The following ADAMTS15 variants were observed in gnomAD, a reference collection of about 807,000 sequenced individuals.
ADAMTS15 encodes the protein ADAM metallopeptidase with thrombospondin type 1 motif 15.
A neutral mutation model predicts 79.1 loss-of-function variants in ADAMTS15; 35 were observed. The ratio of observed to expected loss-of-function variants is 0.44; its 90% CI spans 0.34 to 0.59. The LOEUF (loss-of-function observed/expected upper bound fraction) is 0.59. ADAMTS15 is among the 20% of genes least tolerant of loss of function. ADAMTS15 has a pLI of 0.02. For missense variants in ADAMTS15, 1,324 were observed against 1,318.7 expected (o/e 1.00, Z -0.06); for synonymous variants, 616 against 567.3 (o/e 1.09, Z -1.22).
Position 130,462,018 on chromosome 11 carries a change from G to A in ADAMTS15, c.1091-69G>A. 1 of 1,363,720 alleles carries A rather than the reference G, an allele frequency of 7.3e-7. No individual in the cohort carries two copies. The highest frequency in any genetic ancestry group is 2.3e-5 in the East Asian group (1 of 42,678). The allele number at this position is 1,363,720 out of a possible 1,614,324, so 84.5% of individuals were successfully genotyped here. A position where few individuals can be genotyped will look rare whatever the true frequency, so the allele number is the denominator to read the frequency against. ...CTGACATGGGCTTTCTAGTTCCCCTGCCCCATTCCTCCCTCCAACCCCCAT... is the reference window on the plus strand; with the variant it reads ...CTGACATGGGCTTTCTAGTTCCCCTACCCCATTCCTCCCTCCAACCCCCAT... On this transcript the variant is annotated intron_variant, in intron 2 of 7. Transcript: ENST00000299164. The surrounding 1 kb of genome is among the most constrained non-coding windows in gnomAD (Gnocchi z 4.3).
chr11:130,463,444 G>C (rs1938242206), intron 4 of ADAMTS15, among the ~76,000 whole-genome samples: 2 of 152,160 alleles, frequency 1.3e-5, no homozygotes, highest in Non-Finnish European at 2.9e-5. Context: ...TTCAGGTCTT[G>C]TTTTGGGGGT....
In ADAMTS15 at chr11:130,462,232, C is replaced by T. The variant is rs146867800; in HGVS notation, c.1236C>T (p.Thr412=). 32 of 1,613,848 alleles carry T rather than the reference C, an allele frequency of 2.0e-5. No individual in the cohort carries two copies. The highest frequency in any genetic ancestry group is 8.9e-5 in the East Asian group (4 of 44,890). Residue 412 remains threonine (T), a synonymous_variant, in exon 3 of 8, where the codon ACC becomes ACT. Transcript: ENST00000299164. The surrounding 1 kb of genome is among the most constrained non-coding windows in gnomAD (Gnocchi z 4.3). ...PWSACSAAII[T]DFLDSGHGDC... ...CAGCCTGCAGTGCTGCCATCATCACCGACTTCCTGGACAGCGGGCACGGTA... is the reference window on the plus strand; with the variant it reads ...CAGCCTGCAGTGCTGCCATCATCACTGACTTCCTGGACAGCGGGCACGGTA...
At chr11:130,452,302 A>T (rs1184846104) in intron 1 of ADAMTS15, among the ~76,000 whole-genome samples, 1 of 152,240 alleles carries the variant, frequency 6.6e-6, no homozygotes, top group African/African-American at 2.4e-5. Context: ...GAATAAGTTC[A>T]TGGAGAAAAG....
intron 4 of ADAMTS15, among the ~76,000 whole-genome samples, chr11:130,465,597 C>T (rs1274489544): frequency 1.3e-5 from 2 of 152,190 alleles, no homozygotes; most frequent in South Asian, 4.1e-4. Context: ...CTCTGCTGCC[C>T]ATTCCAAACA....
At chr11:130,454,406 A>G (rs1158350853) in intron 1 of ADAMTS15, among the ~76,000 whole-genome samples, 1 of 152,240 alleles carries the variant, frequency 6.6e-6, no homozygotes, top group Non-Finnish European at 1.5e-5. Context: ...CTAGAACCTA[A>G]TGTGAAACAG....
At chr11:130,461,740 C>T in intron 2 of ADAMTS15, 119 bp downstream of exon 2, 1 of 1,419,200 alleles carries the variant, frequency 7.0e-7, no homozygotes, top group Non-Finnish European at 9.5e-7. Context: ...TCTTAGGGCA[C>T]AGTGAGCCTT....
intron 5 of ADAMTS15, among the ~76,000 whole-genome samples, chr11:130,470,409 G>A (rs923899476): frequency 1.3e-5 from 2 of 151,104 alleles, no homozygotes; most frequent in African/African-American, 4.9e-5. Context: ...TACAGATGGG[G>A]TTTCACCATG....
rs770162987 is a variant in ADAMTS15, at chr11:130,471,228, C to T, written c.1923C>T (p.Cys641=). ...TGCAGGTGGTGGACGGCACGCTGTG[C>T]TCTCCTGACTCCACCTCCGTCTGTG... ...LAPKVVDGTL[C]SPDSTSVCVQ... The change falls in exon 7 of 8, where the codon TGC becomes TGT. Residue 641 remains cysteine (C), a synonymous_variant. Coordinates refer to ENST00000299164, the MANE Select transcript of ADAMTS15 (RefSeq NM_139055.4). 6.6e-5 allele frequency: 106 copies of T among 1,604,446 alleles called. No individual in the cohort carries two copies. Among genetic ancestry groups the T allele is most frequent in the Non-Finnish European group, 8.2e-5 (97 of 1,175,964 alleles).
chr11:130,472,703 C>CTCCTCG lies in ADAMTS15; in HGVS notation c.2079-338_2079-333dup, dbSNP rs1191917620. 3.3e-5 allele frequency among the ~76,000 whole-genome samples: 5 copies of CTCCTCG among 151,940 alleles called. No homozygotes were observed. Among genetic ancestry groups the CTCCTCG allele is most frequent in the African/African-American group, 1.2e-4 (5 of 41,318 alleles). On this transcript the variant is annotated intron_variant, in intron 7 of 7. Coordinates refer to ENST00000299164, the MANE Select transcript of ADAMTS15 (RefSeq NM_139055.4). The surrounding 1 kb of genome is among the most constrained non-coding windows in gnomAD (Gnocchi z 4.7). ...ACCCCTCCTCCTCCTCCTCCTCCTC[C>CTCCTCG]TCCTCGTCCTCATGGCAGATGTCTA...
chr11:130,469,368 A>G lies in ADAMTS15; in HGVS notation c.1649A>G (p.Asn550Ser). 1 of 1,362,766 alleles carries G rather than the reference A, an allele frequency of 7.3e-7. No individual in the cohort carries two copies. The highest frequency in any genetic ancestry group is 9.5e-7 in the Non-Finnish European group (1 of 1,049,076). The allele number at this position is 1,362,766 out of a possible 1,614,324, so 84.4% of individuals were successfully genotyped here. Residue 550 changes from asparagine (N) to serine (S), a missense_variant, in exon 5 of 8, where the codon AAC becomes AGC. Asn to Ser is a conservative substitution (Grantham distance 46, BLOSUM62 1). Coordinates refer to ENST00000299164, the MANE Select transcript of ADAMTS15 (RefSeq NM_139055.4). ...RRQCTNPTPA[N>S]GGKYCEGVRV... ...CAGTGCACCAACCCCACCCCTGCCA[A>G]CGGGGGCAAGTACTGCGAGGGAGTG... is the stretch of plus-strand genomic sequence containing the variant.
At chr11:130,461,642 C>T (rs1163384023) in intron 2 of ADAMTS15, 21 bp downstream of exon 2, 3 of 1,613,314 alleles carry the variant, frequency 1.9e-6, no homozygotes, top group Non-Finnish European at 2.5e-6. Context: ...ATAAGCTCCT[C>T]CTGGGGTCTT....
intron 4 of ADAMTS15, among the ~76,000 whole-genome samples, chr11:130,468,186 G>T (rs1352080744): frequency 6.6e-6 from 1 of 152,180 alleles, no homozygotes; most frequent in Non-Finnish European, 1.5e-5. Flanking sequence ...GAATTTTCGT[G>T]CCTGTTACGC....
chr11:130,470,401 C>T (rs979309794), intron 5 of ADAMTS15, among the ~76,000 whole-genome samples: 7 of 150,916 alleles, frequency 4.6e-5, no homozygotes, highest in Non-Finnish European at 1.0e-4. Flanking sequence ...GTTTTTAGTA[C>T]AGATGGGGTT....
chr11:130,468,359 G>A (rs561050158), intron 4 of ADAMTS15, among the ~76,000 whole-genome samples: 6 of 152,290 alleles, frequency 3.9e-5, no homozygotes, highest in South Asian at 2.1e-4. Context: ...GGCCAGGCGC[G>A]GTAGCTCACG....
intron 5 of ADAMTS15, among the ~76,000 whole-genome samples, chr11:130,470,200 ATATATATATG>A (rs1565397917): frequency 1.1e-4 from 6 of 56,520 alleles, no homozygotes; most frequent in Non-Finnish European, 2.2e-4. Context: ...ATATATATAT[ATATATATATG>A]TATATATATA....
In ADAMTS15 at chr11:130,448,841, C is replaced by A. The variant is rs1431524895; in HGVS notation, c.-133C>A. 1 of 652,182 alleles carries A rather than the reference C, an allele frequency of 1.5e-6. No individual in the cohort carries two copies. The highest frequency in any genetic ancestry group is 3.9e-5 in the Admixed American group (1 of 25,712). 40.4% of individuals were successfully genotyped at this position (652,182 alleles called of 1,614,324 possible). A position where few individuals can be genotyped will look rare whatever the true frequency, so the allele number is the denominator to read the frequency against. On this transcript the variant is annotated 5_prime_UTR_variant, in exon 1 of 8. Coordinates refer to ENST00000299164, the MANE Select transcript of ADAMTS15 (RefSeq NM_139055.4). ...TGGGAGGAGTCTCCCTCCCTTGGCT[C>A]TCCTTTCTGGGAACTGCCGGCTGTC... is the stretch of plus-strand genomic sequence containing the variant.
intron 5 of ADAMTS15, among the ~76,000 whole-genome samples, chr11:130,470,162 A>ATATATATACGTATATATG (rs1938406014): frequency 1.8e-5 from 1 of 56,602 alleles, no homozygotes; most frequent in Non-Finnish European, 3.3e-5. Flanking sequence ...GTGTATATAT[A>ATATATATACGTATATATG]TATATATATA....
rs1394461750 is a variant in ADAMTS15 at position 130,471,334 on chromosome 11, G to A, written c.2029G>A (p.Gly677Arg). ...KRFDKCGVCG[G>R]DNKSCKKVTG... The stretch of plus-strand genomic sequence containing the variant: ...ATTCGACAAGTGTGGGGTGTGTGGG[G>A]GAGACAATAAGAGCTGCAAGAAGGT... Residue 677 changes from glycine to arginine, a missense_variant, in exon 7 of 8, where the codon GGA (glycine) becomes AGA (arginine). Transcript: ENST00000299164. 1.2e-6 allele frequency: 2 copies of A among 1,611,982 alleles called. No homozygotes were observed. Among genetic ancestry groups the A allele is most frequent in the East Asian group, 2.2e-5 (1 of 44,848 alleles).
chr11:130,449,130 C>T lies in ADAMTS15; in HGVS notation c.157C>T (p.Leu53Phe), dbSNP rs753399893. The stretch of plus-strand genomic sequence containing the variant: ...TCCCGAGGACTCCGGGGATCAGGGA[C>T]TCATTTTTCAGATCACAGCATTTCA... ...RGPEDSGDQGLIFQITAFQED... is the reference protein window; with the variant it reads ...RGPEDSGDQGFIFQITAFQED... The change falls in exon 1 of 8, where the codon CTC becomes TTC. Residue 53 changes from leucine to phenylalanine, a missense_variant. Physicochemically the swap from Leu to Phe is conservative, Grantham distance 22. Transcript: ENST00000299164. This position sits in a 1 kb window ranked among gnomAD's most constrained non-coding sequence, Gnocchi z 7.8. The T allele has an allele frequency of 6.3e-7, 1 of 1,595,436 alleles. No individual in the cohort carries two copies. Among genetic ancestry groups the T allele is most frequent in the Non-Finnish European group, 8.6e-7 (1 of 1,167,542 alleles).
Sources: gnomAD v4.1 joint callset for allele counts (sites outside exome capture counted in the v4.1 genomes callset) on GRCh38, gnomAD v4.1.1 for gene constraint, Gnocchi (gnomAD v3.1) non-coding constraint, MANE v1.5 for transcripts, NCBI Gene and HGNC (gene_info 2026-07-23, HGNC 2026-07-21) for gene names.